Variants in CHRNB4 observed in about 807,000 individuals in gnomAD.
The protein encoded by CHRNB4 is neuronal acetylcholine receptor subunit beta-4.
In CHRNB4, 23 loss-of-function variants were observed where a neutral mutation model predicts 40.4. That is an observed-to-expected ratio of 0.57 (90% confidence interval 0.41 to 0.81). CHRNB4 has a LOEUF of 0.81. Ranked by LOEUF, CHRNB4 falls within the 30% of genes least tolerant of loss-of-function variation. CHRNB4 has a pLI of 0.00. For synonymous variants in CHRNB4, 285 were observed against 274.4 expected, an observed-to-expected ratio of 1.04 and a Z score of -0.38; for missense variants, 568 against 670.6, an observed-to-expected ratio of 0.85 and a Z score of 1.69.
At chr15:78,638,698 C>A (rs1227097001) in intron 1 of CHRNB4, among the ~76,000 whole-genome samples, 1 of 152,324 alleles carries the variant, frequency 6.6e-6, no homozygotes, top group East Asian at 1.9e-4. Flanking sequence ...ACCCCACTTG[C>A]CCCCCAAAAA....
exon 4 of CHRNB4, chr15:78,656,500 T>C (rs2054214865): frequency 6.6e-6 from 1 of 152,068 alleles, no homozygotes; most frequent in Non-Finnish European, 1.5e-5. Flanking sequence ...CCCCATAAAT[T>C]TGTGCAAGTA....
At chr15:78,654,152 G>A (rs761505922) in intron 5 of CHRNB4, among the ~76,000 whole-genome samples, 11 of 152,194 alleles carry the variant, frequency 7.2e-5, no homozygotes, top group Non-Finnish European at 1.3e-4. Context: ...CCCTCCTCTG[G>A]ATGAACTTAC....
chr15:78,643,285 T>G (rs80004594), upstream of CHRNB4, among the ~76,000 whole-genome samples: 9,681 of 151,820 alleles, frequency 0.064, 1,001 homozygotes, highest in African/African-American at 0.22. Context: ...AGGGTTTCAC[T>G]GTTGCCCAGG....
chr15:78,645,826 G>A (rs2141404483), upstream of CHRNB4, among the ~76,000 whole-genome samples: 1 of 152,224 alleles, frequency 6.6e-6, no homozygotes, highest in East Asian at 1.9e-4. Flanking sequence ...TTGGGAGGCT[G>A]GGGCGGGTGG....
At chr15:78,658,279 C>T (rs1394005846) in intron 2 of CHRNB4, 1 of 152,206 alleles carries the variant, frequency 6.6e-6, no homozygotes, top group Non-Finnish European at 1.5e-5. Flanking sequence ...GATCCACTCA[C>T]CTTGGCCTTC....
At chr15:78,625,370 T>C (rs1265058140) in intron 5 of CHRNB4, 79 bp from the exon 6 acceptor site, 1 of 1,362,648 alleles carries the variant, frequency 7.3e-7, no homozygotes, top group Non-Finnish European at 1.0e-6. Flanking sequence ...CCTTACTCTC[T>C]GGCCAGGGAC....
intron 4 of CHRNB4, 78 bp from the exon 5 acceptor site, chr15:78,630,023 G>A: frequency 1.4e-6 from 2 of 1,440,492 alleles, no homozygotes; most frequent in East Asian, 2.4e-5. Flanking sequence ...TCACTGAAGA[G>A]CCCTTTGGGA....
intron 5 of CHRNB4, chr15:78,627,287 T>C (rs2053679643): frequency 6.6e-6 from 1 of 152,206 alleles, no homozygotes; most frequent in South Asian, 2.1e-4. Flanking sequence ...GGGAATCTCC[T>C]GGGGACCTGG....
chr15:78,652,744 C>T (rs556226340), intron 5 of CHRNB4: 1 of 152,260 alleles, frequency 6.6e-6, no homozygotes, highest in South Asian at 2.1e-4. Flanking sequence ...TTTGGAGCTC[C>T]ATAACCCTGG....
upstream of CHRNB4, chr15:78,641,334 C>G (rs72650613): frequency 1.5e-3 from 743 of 495,856 alleles, no homozygotes; most frequent in Admixed American, 2.2e-3. Flanking sequence ...CCCGACGCCC[C>G]CTGGGTGGTC....
chr15:78,658,028 CTTTT>C (rs71448810), intron 2 of CHRNB4, among the ~76,000 whole-genome samples: 41 of 90,546 alleles, frequency 4.5e-4, no homozygotes, highest in African/African-American at 1.6e-3. Flanking sequence ...TCTTGTTTCT[CTTTT>C]TTTTTTTTTT....
intron 5 of CHRNB4, among the ~76,000 whole-genome samples, chr15:78,653,716 G>C (rs1458016200): frequency 6.6e-6 from 1 of 152,174 alleles, no homozygotes; most frequent in Non-Finnish European, 1.5e-5. Flanking sequence ...CACAGCGAGA[G>C]TCCTAGGGCC....
chr15:78,629,625 A>G lies in CHRNB4; in HGVS notation c.680T>C (p.Ile227Thr). The change falls in exon 5 of 6, where the codon ATC becomes ACC. Residue 227 changes from isoleucine (I) to threonine (T), a missense_variant. Physicochemically the swap from Ile to Thr is moderately conservative, Grantham distance 89. Transcript: ENST00000261751. This position sits in a 1 kb window ranked among gnomAD's most constrained non-coding sequence, Gnocchi z 6.8. ...PSYVDVTYDF[I>T]IKRKPLFYTI... ...GTAGAACAGAGGCTTGCGCTTGATG[A>G]TGAAGTCGTAAGTCACGTCCACGTA... is the stretch of plus-strand genomic sequence containing the variant. 6.2e-7 allele frequency: 1 copy of G among 1,613,996 alleles called. No individual in the cohort carries two copies. Among genetic ancestry groups the G allele is most frequent in the Non-Finnish European group, 8.5e-7 (1 of 1,179,988 alleles).
chr15:78,635,390 G>T, intron 2 of CHRNB4, 49 bp downstream of exon 2: 1 of 1,598,808 alleles, frequency 6.3e-7, no homozygotes, highest in South Asian at 1.1e-5. Context: ...GCTTGGGCAT[G>T]AGCGGCCTCT....
chr15:78,641,533 G>A (rs976218398), upstream of CHRNB4, among the ~76,000 whole-genome samples: 2 of 152,222 alleles, frequency 1.3e-5, no homozygotes, highest in Admixed American at 1.3e-4. Context: ...GGAGGTCCTT[G>A]GGCTTTGCCT....
chr15:78,630,887 CCA>C (rs1360878348), intron 4 of CHRNB4, 187 bp downstream of exon 4: 1 of 586,500 alleles, frequency 1.7e-6, no homozygotes, highest in African/African-American at 1.9e-5. Context: ...CCCTCAGCCT[CCA>C]ACTCCCCATC....
chr15:78,631,458 G>T (rs2053809817), intron 2 of CHRNB4, 126 bp from the exon 3 acceptor site: 1 of 834,302 alleles, frequency 1.2e-6, no homozygotes, highest in African/African-American at 1.7e-5. Context: ...AACATCTCTT[G>T]GATGGCCCAA....
At chr15:78,642,880 C>T (rs1008612545), upstream of CHRNB4, among the ~76,000 whole-genome samples, 6 of 152,112 alleles carry the variant, frequency 3.9e-5, no homozygotes, top group Admixed American at 1.3e-4. Context: ...GAGCAGTGGC[C>T]AGTGCATTGC....
rs149527116 is a variant in CHRNB4, at chr15:78,629,752, G to A, written c.553C>T (p.Leu185Phe). Residue 185 changes from leucine (L) to phenylalanine (F), a missense_variant, in exon 5 of 6, where the codon CTC becomes TTC. By Grantham distance (22) the Leu-to-Phe change is conservative. Transcript: ENST00000261751. The surrounding 1 kb of genome is among the most constrained non-coding windows in gnomAD (Gnocchi z 6.8). Reference sequence around the variant, plus strand: ...TCCATGCTGGCTGTGGGCGTCATGAGGACCATGTCTATCTCCGTGTGGTCA... The same window carrying A: ...TCCATGCTGGCTGTGGGCGTCATGAAGACCATGTCTATCTCCGTGTGGTCA... ...TYDHTEIDMV[L>F]MTPTASMDDF... The A allele has an allele frequency of 1.2e-6, 2 of 1,613,952 alleles. No individual in the cohort carries two copies. Among genetic ancestry groups the A allele is most frequent in the Non-Finnish European group, 1.7e-6 (2 of 1,179,990 alleles).
Sources: gnomAD v4.1 joint callset for allele counts (sites outside exome capture counted in the v4.1 genomes callset) on GRCh38, gnomAD v4.1.1 for gene constraint, Gnocchi (gnomAD v3.1) non-coding constraint, MANE v1.5 for transcripts, NCBI Gene and HGNC (gene_info 2026-07-23, HGNC 2026-07-21) for gene names.